Variants in RTTN observed in about 807,000 individuals in gnomAD.
RTTN encodes the protein rotatin.
In RTTN, 182 loss-of-function variants were observed where a neutral mutation model predicts 269.2. The ratio of observed to expected loss-of-function variants is 0.68; its 90% CI spans 0.60 to 0.76. The LOEUF is 0.76. RTTN is among the 30% of genes least tolerant of loss of function. The pLI, the probability that RTTN is intolerant of heterozygous loss-of-function variation, is 0.00. For synonymous variants in RTTN, 1,006 were observed against 963.5 expected (o/e 1.04, Z -0.82); for missense variants, 2,545 against 2,608.6 (o/e 0.98, Z 0.53).
At chr18:70,105,467 C>T (rs908747683) in intron 28 of RTTN, among the ~76,000 whole-genome samples, 2 of 152,232 alleles carry the variant, frequency 1.3e-5, no homozygotes, top group African/African-American at 4.8e-5. Context: ...ATGCCCCGCC[C>T]TGCTTCTGCT....
At chr18:70,188,015 TTGAACACGAATGAGACAA>T in intron 10 of RTTN, 75 bp downstream of exon 10, 1 of 705,696 alleles carries the variant, frequency 1.4e-6, no homozygotes, top group Non-Finnish European at 2.5e-6. Context: ...AAAAAAGATT[TTGAACACGAATGAGACAA>T]TGAAACCGGC....
At chr18:70,106,932 G>A (rs999242714) in intron 28 of RTTN, among the ~76,000 whole-genome samples, 9 of 152,094 alleles carry the variant, frequency 5.9e-5, no homozygotes, top group Non-Finnish European at 1.2e-4. Flanking sequence ...CTTGAGGTCC[G>A]AACACAGTTA....
chr18:70,128,626 T>C, intron 23 of RTTN, 80 bp from the exon 24 acceptor site: 1 of 1,139,838 alleles, frequency 8.8e-7, no homozygotes. Flanking sequence ...AAATGAGGGC[T>C]AGTTCAATGC....
At position 70,109,607 on chromosome 18, in the gene RTTN, C is replaced by T. The variant is rs776437862; in HGVS notation, c.3794G>A (p.Arg1265Gln). 9.9e-6 allele frequency: 16 copies of T among 1,614,030 alleles called. No individual in the cohort carries two copies. Among genetic ancestry groups the T allele is most frequent in the Middle Eastern group, 1.7e-4 (1 of 6,058 alleles). Residue 1265 changes from arginine to glutamine, a missense_variant, in exon 28 of 49, where the codon CGG becomes CAG. Arg to Gln is a conservative substitution (Grantham distance 43). Transcript: ENST00000640769. ...GAGGTTAGCCATCCCTCGTAAGGTC[C>T]GCTCAAGGGACGGCAGGCCATAGAA... ...PHFYGLPSLE[R>Q]TLRGMANLTA...
At chr18:70,186,078 C>A (rs1054125460) in intron 10 of RTTN, among the ~76,000 whole-genome samples, 2 of 146,186 alleles carry the variant, frequency 1.4e-5, no homozygotes, top group African/African-American at 2.6e-5. Context: ...CCCTCTCCCC[C>A]CCAAAAAAAA....
At chr18:70,033,629 T>C (rs1350565150) in intron 40 of RTTN, among the ~76,000 whole-genome samples, 1 of 152,026 alleles carries the variant, frequency 6.6e-6, no homozygotes, top group Non-Finnish European at 1.5e-5. Flanking sequence ...GTTAGGAAGA[T>C]CTCAAGTTTG....
intron 32 of RTTN, among the ~76,000 whole-genome samples, chr18:70,080,685 G>A (rs1465881297): frequency 6.6e-6 from 1 of 152,102 alleles, no homozygotes; most frequent in African/African-American, 2.4e-5. Context: ...TTTCAGGTAA[G>A]AATCATGAAT....
chr18:70,075,194 A>C, intron 33 of RTTN, 158 bp downstream of exon 33: 1 of 529,462 alleles, frequency 1.9e-6, no homozygotes, highest in Non-Finnish European at 3.2e-6. Context: ...GAGAAAGAAG[A>C]CGGGAAGAAA....
At chr18:70,088,630 G>A (rs1473645369) in intron 30 of RTTN, among the ~76,000 whole-genome samples, 2 of 152,068 alleles carry the variant, frequency 1.3e-5, no homozygotes, top group East Asian at 1.9e-4. Flanking sequence ...AGAGAAAAAC[G>A]TTCCCAAATA....
rs1344901877 is a variant in RTTN, at chr18:70,114,717, T to C, written c.3529-118A>G. The C allele has an allele frequency of 3.6e-5, 25 of 700,628 alleles. No homozygotes were observed. In the East Asian group the frequency reaches 6.9e-4, roughly 19 times the overall value. 43.4% of individuals were successfully genotyped at this position (700,628 alleles called of 1,614,324 possible). On this transcript the variant is annotated intron_variant, in intron 26 of 48. Transcript: ENST00000640769. ...AGCTATATTACCTAACTAGTAGGTG[T>C]GGGCCTTTACTGCATTAGTAGAGAT...
At chr18:70,009,046 C>T (rs902501747) in intron 46 of RTTN, 1 of 152,250 alleles carries the variant, frequency 6.6e-6, no homozygotes, top group Non-Finnish European at 1.5e-5. Context: ...GGAAGCCCAT[C>T]AGGCTAACAG....
chr18:70,099,098 G>T (rs779560978), intron 28 of RTTN, among the ~76,000 whole-genome samples: 2 of 152,024 alleles, frequency 1.3e-5, no homozygotes, highest in South Asian at 4.2e-4. Context: ...TAATCCTTTG[G>T]GTATATACCC....
At chr18:70,134,664 CATTTAGT>C in intron 22 of RTTN, 123 bp from the exon 23 acceptor site, 1 of 620,240 alleles carries the variant, frequency 1.6e-6, no homozygotes, top group Non-Finnish European at 2.9e-6. Context: ...CTGAGTCTAT[CATTTAGT>C]ATAGAAACAA....
At chr18:70,106,165 T>C (rs1325726784) in intron 28 of RTTN, among the ~76,000 whole-genome samples, 1 of 152,132 alleles carries the variant, frequency 6.6e-6, no homozygotes, top group Middle Eastern at 3.4e-3. Context: ...CTGGGCAACA[T>C]AGTGAGACCC....
At chr18:70,120,241 C>A (rs1425468691) in intron 26 of RTTN, among the ~76,000 whole-genome samples, 1 of 151,980 alleles carries the variant, frequency 6.6e-6, no homozygotes, top group Non-Finnish European at 1.5e-5. Context: ...GTCCCCACTG[C>A]AAGAAGGCTC....
intron 32 of RTTN, among the ~76,000 whole-genome samples, chr18:70,078,081 TAATA>T (rs2058473984): frequency 6.6e-6 from 1 of 151,660 alleles, no homozygotes; most frequent in Admixed American, 6.6e-5. Flanking sequence ...TTAAGGAGCT[TAATA>T]AATGTCAAGC....
intron 14 of RTTN, among the ~76,000 whole-genome samples, chr18:70,156,585 C>T (rs1249690790): frequency 6.6e-6 from 1 of 152,142 alleles, no homozygotes; most frequent in African/African-American, 2.4e-5. Flanking sequence ...TTTGTACACT[C>T]CCTCCCCTTT....
chr18:70,046,001 C>T (rs965141358), intron 40 of RTTN, among the ~76,000 whole-genome samples: 4 of 151,870 alleles, frequency 2.6e-5, no homozygotes, highest in Admixed American at 1.3e-4. Context: ...AATAATATTA[C>T]AAAGTATTAG....
At chr18:70,166,552 A>G (rs2060991710) in intron 13 of RTTN, 1 of 200,934 alleles carries the variant, frequency 5.0e-6, no homozygotes, top group Admixed American at 5.8e-5. Context: ...AAATCCACAT[A>G]AGAAAAAGGT....
Sources: allele counts gnomAD v4.1 joint callset (sites outside exome capture counted in the v4.1 genomes callset), GRCh38; gene constraint gnomAD v4.1.1; transcripts MANE v1.5; gene names NCBI Gene and HGNC (gene_info 2026-07-23, HGNC 2026-07-21).